The following TRIM68 variants were observed in gnomAD, a reference collection of about 807,000 sequenced individuals.
TRIM68 encodes E3 ubiquitin-protein ligase TRIM68.
In TRIM68, 36 loss-of-function variants were observed where a neutral mutation model predicts 41.9. The ratio of observed to expected loss-of-function variants is 0.86; its 90% CI spans 0.66 to 1.14. The LOEUF is 1.14. TRIM68 is among the 50% of genes most tolerant of loss of function. The pLI is 0.00. For synonymous variants in TRIM68, 225 were observed against 224.6 expected (o/e 1.00, Z -0.02); for missense variants, 632 against 605.1 (o/e 1.04, Z -0.47).
At chr11:4,602,096 A>G (rs1323841241) in intron 4 of TRIM68, 56 bp downstream of exon 4, 1 of 1,610,074 alleles carries the variant, frequency 6.2e-7, no homozygotes, top group Non-Finnish European at 8.5e-7. Context: ...TCTCTCCTGG[A>G]GTCTCAGTCT....
rs1243723697 is a variant in TRIM68 at position 4,603,256 on chromosome 11, C to A, written c.511G>T (p.Ala171Ser). 1 of 1,614,234 alleles carries A rather than the reference C, an allele frequency of 6.2e-7. No individual in the cohort carries two copies. The highest frequency in any genetic ancestry group is 1.1e-5 in the South Asian group (1 of 91,086). Residue 171 changes from alanine to serine, a missense_variant, in exon 3 of 7, where the codon GCC (alanine) becomes TCC (serine). Physicochemically the swap from Ala to Ser is moderately conservative, Grantham distance 99 (BLOSUM62 1). Transcript: ENST00000300747. ...KLEVGERKRT[A>S]TWKIQVETRK... is the part of the protein sequence containing the mutation. ...ACGAGGCAACCTGCCTTCCAGGTGG[C>A]AGTTCGTTTCCTTTCACCAACTTCA...
Position 4,602,497 on chromosome 11 carries a change from G to A in TRIM68, c.523-85C>T. 9 of 1,532,196 alleles carry A rather than the reference G, an allele frequency of 5.9e-6. No homozygotes were observed. In the South Asian group the frequency reaches 1.1e-4, roughly 19 times the overall value. The allele number at this position is 1,532,196 out of a possible 1,614,324, so 94.9% of individuals were successfully genotyped here. A position where few individuals can be genotyped will look rare whatever the true frequency, so the allele number is the denominator to read the frequency against. On this transcript the variant is annotated intron_variant, in intron 3 of 6. Coordinates refer to ENST00000300747, the MANE Select transcript of TRIM68 (RefSeq NM_018073.8). ...TGACATATGCATACACACATACTCT[G>A]CAATGGTACCAACCACGTGACAGGC...
intron 1 of TRIM68, among the ~76,000 whole-genome samples, chr11:4,606,580 T>A (rs1299378167): frequency 6.6e-6 from 1 of 152,228 alleles, no homozygotes; most frequent in East Asian, 1.9e-4. Context: ...TTAGCATTTG[T>A]GAGGTAAATT....
chr11:4,603,430 C>T, intron 2 of TRIM68, 90 bp from the exon 3 acceptor site: 1 of 1,180,232 alleles, frequency 8.5e-7, no homozygotes, highest in Non-Finnish European at 1.2e-6. Flanking sequence ...GTCCTTCAGG[C>T]AACCGGCCAC....
chr11:4,603,922 AGC>A (rs1846531203), intron 2 of TRIM68, among the ~76,000 whole-genome samples: 1 of 152,232 alleles, frequency 6.6e-6, no homozygotes, highest in Admixed American at 6.5e-5. Flanking sequence ...TTAACAAAAT[AGC>A]AACTATTTTG....
chr11:4,603,410 G>C (rs1846523207), intron 2 of TRIM68, 70 bp from the exon 3 acceptor site: 26 of 1,451,658 alleles, frequency 1.8e-5, no homozygotes, highest in Non-Finnish European at 2.5e-5. Flanking sequence ...GAGGCTATGG[G>C]AGAACCAGAG....
chr11:4,605,299 A>G lies in TRIM68; in HGVS notation c.206T>C (p.Leu69Pro). The G allele has an allele frequency of 6.2e-7, 1 of 1,614,262 alleles. No individual in the cohort carries two copies. The highest frequency in any genetic ancestry group is 8.5e-7 in the Non-Finnish European group (1 of 1,180,046). The change falls in exon 2 of 7, where the codon CTG (leucine) becomes CCG (proline). Residue 69 changes from leucine (L) to proline (P), a missense_variant. By Grantham distance (98) the Leu-to-Pro change is moderately conservative. Coordinates refer to ENST00000300747, the MANE Select transcript of TRIM68 (RefSeq NM_018073.8). ...LCRAPVQPRN[L>P]RPNWQLANVV... ...ATTGGCCAGCTGCCAATTAGGCCGC[A>G]GGTTCCTTGGCTGGACAGGAGCTCG... is the stretch of plus-strand genomic sequence containing the variant.
chr11:4,608,125 C>T lies in TRIM68; in HGVS notation c.-156G>A, dbSNP rs573185535. ...TGGCCCAGCGTCAGAAGCTGCCGTT[C>T]CCGGCAGCTCAGCACTTAGGGCCAG... On this transcript the variant is annotated 5_prime_UTR_variant, in exon 1 of 7. Coordinates refer to ENST00000300747, the MANE Select transcript of TRIM68 (RefSeq NM_018073.8). 1 of 152,228 alleles carries T rather than the reference C, an allele frequency of 6.6e-6. No homozygotes were observed. The highest frequency in any genetic ancestry group is 1.5e-5 in the Non-Finnish European group (1 of 68,062). 9.4% of individuals were successfully genotyped at this position (152,228 alleles called of 1,614,324 possible).
At chr11:4,603,001 T>G (rs1846516067) in intron 3 of TRIM68, among the ~76,000 whole-genome samples, 2 of 152,236 alleles carry the variant, frequency 1.3e-5, no homozygotes. Flanking sequence ...GCATGTGCTT[T>G]TCCTTTCTCA....
chr11:4,605,130 C>G lies in TRIM68; in HGVS notation c.375G>C (p.Glu125Asp). Residue 125 changes from glutamate to aspartate, a missense_variant, in exon 2 of 7, where the codon GAG becomes GAC. Transcript: ENST00000300747. ...IMCEACSQSP[E>D]HEAHSVVPME... The stretch of plus-strand genomic sequence containing the variant: ...TTGGCACAACACTGTGGGCCTCATG[C>G]TCTGGGGACTGGCTGCAGGCCTCAC... 1 of 1,614,240 alleles carries G rather than the reference C, an allele frequency of 6.2e-7. No homozygotes were observed. Among genetic ancestry groups the G allele is most frequent in the African/African-American group, 1.3e-5 (1 of 75,070 alleles).
Position 4,602,201 on chromosome 11 carries a change from A to G in TRIM68, c.734T>C (p.Ile245Thr), listed in dbSNP as rs1365394276. 3 of 1,613,968 alleles carry G rather than the reference A, an allele frequency of 1.9e-6. No homozygotes were observed. In the African/African-American group the frequency reaches 4.0e-5, roughly 22 times the overall value. The change falls in exon 4 of 7, where the codon ATT (isoleucine) becomes ACT (threonine). Residue 245 changes from isoleucine to threonine, a missense_variant. By Grantham distance (89) the Ile-to-Thr change is moderately conservative. Coordinates refer to ENST00000300747, the MANE Select transcript of TRIM68 (RefSeq NM_018073.8). ...IQQSQVLWRM[I>T]AELKERSQRP... ...CTGCGACCTCTCTTTCAACTCTGCAATCATCCTCCACAGGACCTGGCTCTG... is the reference window on the plus strand; with the variant it reads ...CTGCGACCTCTCTTTCAACTCTGCAGTCATCCTCCACAGGACCTGGCTCTG...
rs571003671 is a variant in TRIM68, at chr11:4,600,605, G to A, written c.1129C>T (p.Gln377Ter). ...ACCACCTCCTTCCGGTCTACATTTTGCTTACATACTCCCAGGCCCCACTCA... is the reference window on the plus strand; with the variant it reads ...ACCACCTCCTTCCGGTCTACATTTTACTTACATACTCCCAGGCCCCACTCA... ...RSEWGLGVCK[Q>*]NVDRKEVVYL... The change falls in exon 7 of 7, where the codon CAA becomes TAA. Residue 377 changes from glutamine (Q) to a stop codon, truncating the protein, a stop_gained. Coordinates refer to ENST00000300747, the MANE Select transcript of TRIM68 (RefSeq NM_018073.8). LOFTEE classifies it low-confidence loss of function (END_TRUNC). 73 of 1,613,922 alleles carry A rather than the reference G, an allele frequency of 4.5e-5. 1 individual carries two copies. The South Asian group carries it at 6.9e-4, about 15-fold the overall frequency.
intron 3 of TRIM68, 46 bp downstream of exon 3, chr11:4,603,199 A>G (rs1846518978): frequency 6.3e-7 from 1 of 1,577,972 alleles, no homozygotes; most frequent in Non-Finnish European, 8.7e-7. Flanking sequence ...CTCCAGGACC[A>G]CACAGGACGA....
Position 4,600,467 on chromosome 11 carries a change from C to T in TRIM68, c.1267G>A (p.Val423Met), listed in dbSNP as rs1305919812. 2 of 1,613,280 alleles carry T rather than the reference C, an allele frequency of 1.2e-6. No homozygotes were observed. Among genetic ancestry groups the T allele is most frequent in the Non-Finnish European group, 1.7e-6 (2 of 1,179,632 alleles). ...ILSLPVPPRR[V>M]GIFVDYEAHD... ...GCCTCATAATCCACGAAGATTCCCA[C>T]CCGGCGAGGAGGGACCGGCAAGGAC... The change falls in exon 7 of 7, where the codon GTG (valine) becomes ATG (methionine). Residue 423 changes from valine (V) to methionine (M), a missense_variant. Coordinates refer to ENST00000300747, the MANE Select transcript of TRIM68 (RefSeq NM_018073.8).
At chr11:4,604,571 T>G (rs1302631100) in intron 2 of TRIM68, among the ~76,000 whole-genome samples, 1 of 152,230 alleles carries the variant, frequency 6.6e-6, no homozygotes, top group Non-Finnish European at 1.5e-5. Flanking sequence ...CTCAATCTTG[T>G]GACTCACCCA....
rs541447391 is a variant in TRIM68 at position 4,600,917 on chromosome 11, A to G, written c.908-91T>C. ...GATAAATTCAGCCACAGATTTCTCA[A>G]TGATGAAGGGGTGAGGCTGGATGGA... On this transcript the variant is annotated intron_variant, in intron 6 of 6. Transcript: ENST00000300747. 13 of 1,571,350 alleles carry G rather than the reference A, an allele frequency of 8.3e-6. No homozygotes were observed. The East Asian group carries it at 1.6e-4, about 19-fold the overall frequency.
Position 4,605,058 on chromosome 11 carries a change from T to C in TRIM68, c.426+21A>G, listed in dbSNP as rs764604487. The C allele has an allele frequency of 3.1e-6, 5 of 1,608,518 alleles. No homozygotes were observed. In the Admixed American group the frequency reaches 8.3e-5, roughly 27 times the overall value. On this transcript the variant is annotated intron_variant, in intron 2 of 6. Transcript: ENST00000300747. The stretch of plus-strand genomic sequence containing the variant: ...ACTTGGGGCCGGGGTTAGACTGGAG[T>C]GGCCAGCTTCCATCTCTCACCTTGT...
rs2231975 is a variant in TRIM68, at chr11:4,600,409, C to T, written c.1325G>A (p.Cys442Tyr). 0.042 allele frequency: 67,821 copies of T among 1,614,002 alleles called. 1,705 individuals are homozygous for T. Among genetic ancestry groups the T allele is most frequent in the Non-Finnish European group, 0.048 (56,422 of 1,179,988 alleles). Residue 442 changes from cysteine (C) to tyrosine (Y), a missense_variant, in exon 7 of 7, where the codon TGT becomes TAT. By Grantham distance (194) the Cys-to-Tyr change is radical. Transcript: ENST00000300747. ...GGGGAAAGTGAAGATGTGGGAGCCA[C>T]AGTCAGTCACATTGTAGAAAGAAAT... ...HDISFYNVTDCGSHIFTFPRY... is the reference protein window; with the variant it reads ...HDISFYNVTDYGSHIFTFPRY...
intron 5 of TRIM68, 37 bp from the exon 6 acceptor site, chr11:4,601,164 C>T (rs368393536): frequency 1.8e-5 from 27 of 1,538,850 alleles, no homozygotes; most frequent in Middle Eastern, 1.7e-4. Flanking sequence ...CCAGGAGTCC[C>T]GGCTTTGTCA....
Sources: gnomAD v4.1 joint callset for allele counts (sites outside exome capture counted in the v4.1 genomes callset) on GRCh38, gnomAD v4.1.1 for gene constraint, MANE v1.5 for transcripts, NCBI Gene and HGNC (gene_info 2026-07-23, HGNC 2026-07-21) for gene names.